Variants in DNAH6 observed in about 807,000 individuals in gnomAD.
The protein encoded by DNAH6 is dynein axonemal heavy chain 6.
DNAH6 carries 340 observed loss-of-function variants against 491.4 expected under a neutral mutation model. That is an observed-to-expected ratio of 0.69 (90% CI 0.63 to 0.76). The LOEUF (loss-of-function observed/expected upper bound fraction) is 0.76. DNAH6 is among the 30% of genes least tolerant of loss of function. The pLI is 0.00. For missense variants in DNAH6, 4,443 were observed against 4,972.2 expected, an observed-to-expected ratio of 0.89 and a Z score of 3.20; for synonymous variants, 1,603 against 1,686.1, an observed-to-expected ratio of 0.95 and a Z score of 1.21.
the DNAH6 span, among the ~76,000 whole-genome samples, chr2:84,496,977 T>C: frequency 2.7e-5 from 4 of 149,478 alleles, no homozygotes; most frequent in African/African-American, 9.8e-5. Flanking sequence ...TACTCTTTTT[T>C]TTTTTTTTTT....
At chr2:84,719,553 C>G (rs2104915702) in intron 59 of DNAH6, among the ~76,000 whole-genome samples, 1 of 152,110 alleles carries the variant, frequency 6.6e-6, no homozygotes, top group Non-Finnish European at 1.5e-5. Context: ...CTCTGTCACC[C>G]AGGCTGGAGT....
intron 39 of DNAH6, 138 bp downstream of exon 39, chr2:84,670,613 A>T (rs560706794): frequency 1.0e-5 from 7 of 669,256 alleles, no homozygotes; most frequent in African/African-American, 9.3e-5. Context: ...TGTTCATGGC[A>T]TTTTTATGCT....
chr2:84,715,917 A>G (rs984319452), intron 58 of DNAH6, among the ~76,000 whole-genome samples: 2 of 151,972 alleles, frequency 1.3e-5, no homozygotes, highest in Admixed American at 6.6e-5. Context: ...TCCCTTCACT[A>G]TGATTTCCAT....
chr2:84,645,142 G>A (rs776200432), intron 33 of DNAH6, among the ~76,000 whole-genome samples: 3 of 152,170 alleles, frequency 2.0e-5, no homozygotes, highest in East Asian at 3.9e-4. Flanking sequence ...ATTCTAGGCC[G>A]GGGGTGGTGG....
chr2:84,621,406 A>G (rs945067267), intron 25 of DNAH6, 32 bp from the exon 26 acceptor site: 9 of 1,542,214 alleles, frequency 5.8e-6, no homozygotes, highest in Non-Finnish European at 3.5e-6. Flanking sequence ...GGTGATATGC[A>G]TCACATATTT....
chr2:84,637,312 G>C lies in DNAH6; in HGVS notation c.4756G>C (p.Asp1586His). 1 of 1,551,344 alleles carries C rather than the reference G, an allele frequency of 6.4e-7. No homozygotes were observed. Residue 1586 changes from aspartate to histidine, a missense_variant, in exon 31 of 77, where the codon GAT becomes CAT. By Grantham distance (81) the Asp-to-His change is moderately conservative. This residue lies in a region of DNAH6 where 2,977 missense variants were observed against 3,296.6 expected (regional missense o/e 0.90). Transcript: ENST00000389394. Reference protein sequence around the residue: ...PGYAGRTELPDNLKALFRPFA... With the variant: ...PGYAGRTELPHNLKALFRPFA... ...CTATGCAGGGAGAACTGAATTGCCA[G>C]ATAATTTGAAAGCCCTGTTTAGACC...
chr2:84,597,032 A>G (rs1381430477), intron 18 of DNAH6, among the ~76,000 whole-genome samples: 1 of 152,250 alleles, frequency 6.6e-6, no homozygotes, highest in Non-Finnish European at 1.5e-5. Context: ...AGTACCATAC[A>G]GAACAATTTC....
At chr2:84,710,002 G>A (rs979677990) in intron 55 of DNAH6, among the ~76,000 whole-genome samples, 6 of 152,192 alleles carry the variant, frequency 3.9e-5, no homozygotes, top group African/African-American at 1.2e-4. Context: ...GTTTGGAAGA[G>A]GGAGCCACTG....
At chr2:84,767,855 C>A (rs1675232975) in intron 64 of DNAH6, among the ~76,000 whole-genome samples, 1 of 152,018 alleles carries the variant, frequency 6.6e-6, no homozygotes, top group Non-Finnish European at 1.5e-5. Context: ...TCTACCTAGA[C>A]CCATTACAGT....
Position 84,653,603 on chromosome 2 carries a change from C to T in DNAH6, c.5363C>T (p.Thr1788Ile), listed in dbSNP as rs940636238. The change falls in exon 34 of 77, where the codon ACA (threonine) becomes ATA (isoleucine). Residue 1788 changes from threonine to isoleucine, a missense_variant. This residue lies in a region of DNAH6 where 2,977 missense variants were observed against 3,296.6 expected (regional missense o/e 0.90). Coordinates refer to ENST00000389394, the MANE Select transcript of DNAH6 (RefSeq NM_001370.2). ...IENSFYQAVK[T>I]YVLNPKSITM... Reference sequence around the variant, plus strand: ...AATTCCTTTTACCAAGCAGTTAAAACATATGTTCTCAACCCTAAATCAATT... The same window carrying T: ...AATTCCTTTTACCAAGCAGTTAAAATATATGTTCTCAACCCTAAATCAATT... The T allele has an allele frequency of 1.1e-5, 17 of 1,551,308 alleles. No homozygotes were observed. Among genetic ancestry groups the T allele is most frequent in the Admixed American group, 2.0e-5 (1 of 50,974 alleles).
At chr2:84,545,309 A>G (rs1678670093) in intron 5 of DNAH6, among the ~76,000 whole-genome samples, 1 of 152,162 alleles carries the variant, frequency 6.6e-6, no homozygotes, top group Admixed American at 6.5e-5. Context: ...TATAAGAGGG[A>G]CTATCTCAAG....
Position 84,773,041 on chromosome 2 carries a change from G to A in DNAH6, c.10704-8452G>A, listed in dbSNP as rs536385288. ...TGGAAATAAAATGATACACTTTTAA[G>A]AAATCACAAGGGAAATTAGAAAATA... On this transcript the variant is annotated intron_variant, in intron 64 of 76. Coordinates refer to ENST00000389394, the MANE Select transcript of DNAH6 (RefSeq NM_001370.2). 2.8e-4 allele frequency among the ~76,000 whole-genome samples: 43 copies of A among 152,130 alleles called. No individual in the cohort carries two copies. In the South Asian group the frequency reaches 8.5e-3, roughly 30 times the overall value.
chr2:84,706,805 A>T, intron 52 of DNAH6, 91 bp from the exon 53 acceptor site: 1 of 1,410,832 alleles, frequency 7.1e-7, no homozygotes. Flanking sequence ...AAAGAGGAAC[A>T]TATATAAAAT....
Position 84,769,999 on chromosome 2 carries a change from G to T in DNAH6, c.10703+7054G>T, listed in dbSNP as rs562656296. On this transcript the variant is annotated intron_variant, in intron 64 of 76. Coordinates refer to ENST00000389394, the MANE Select transcript of DNAH6 (RefSeq NM_001370.2). ...CAACCAGGAAGTGAAGGCTAATGCA[G>T]ATTTGTAAACTGCCCAGCTGAGTGT... is the stretch of plus-strand genomic sequence containing the variant. Among the ~76,000 whole-genome samples the T allele has an allele frequency of 3.0e-4, 45 of 152,292 alleles. No individual in the cohort carries two copies. In the South Asian group the frequency reaches 8.3e-3, roughly 28 times the overall value.
At chr2:84,690,294 T>G (rs943182884) in intron 45 of DNAH6, among the ~76,000 whole-genome samples, 2 of 152,236 alleles carry the variant, frequency 1.3e-5, no homozygotes, top group African/African-American at 4.8e-5. Flanking sequence ...AGCTCTTTAA[T>G]TAGCCCTAAT....
chr2:84,703,226 A>T (rs1237890453), intron 49 of DNAH6, among the ~76,000 whole-genome samples, 169 bp from the exon 50 acceptor site: 1 of 152,248 alleles, frequency 6.6e-6, no homozygotes, highest in African/African-American at 2.4e-5. Context: ...CTAGAGTTCC[A>T]TTATCTGAAC....
At chr2:84,666,225 C>T (rs1692111749) in intron 37 of DNAH6, among the ~76,000 whole-genome samples, 1 of 152,146 alleles carries the variant, frequency 6.6e-6, no homozygotes, top group Admixed American at 6.5e-5. Context: ...CACTCCTATT[C>T]AACATAGTGT....
At chr2:84,712,031 G>T (rs1697093017) in intron 56 of DNAH6, among the ~76,000 whole-genome samples, 1 of 152,168 alleles carries the variant, frequency 6.6e-6, no homozygotes, top group East Asian at 1.9e-4. Flanking sequence ...GTGGGCCCTT[G>T]TCAGGGCCCC....
chr2:84,508,995 G>C, the DNAH6 span, among the ~76,000 whole-genome samples: 1 of 152,120 alleles, frequency 6.6e-6, no homozygotes, highest in Non-Finnish European at 1.5e-5. Flanking sequence ...CTACTATGTG[G>C]TCAATTTTGG....
Sources: allele counts gnomAD v4.1 joint callset (sites outside exome capture counted in the v4.1 genomes callset), GRCh38; gene constraint gnomAD v4.1.1; regional missense constraint gnomAD v4.1.1; transcripts MANE v1.5; gene names NCBI Gene and HGNC (gene_info 2026-07-23, HGNC 2026-07-21).